RBFOX1: variants seen among roughly 807,000 people sequenced by gnomAD.
RBFOX1 encodes RNA binding protein fox-1 homolog 1.
A neutral mutation model predicts 57.7 loss-of-function variants in RBFOX1; 8 were observed. The observed-to-expected ratio is 0.14, with a 90% CI of 0.08 to 0.25. RBFOX1 has a LOEUF of 0.25. Among genes scored for constraint, RBFOX1 ranks in the 10% least tolerant of loss-of-function variants. RBFOX1 has a pLI of 1.00. For missense variants in RBFOX1, 611 were observed against 548.5 expected (o/e 1.11, Z -1.14); for synonymous variants, 326 against 222.4 (o/e 1.47, Z -4.15).
intron 2 of RBFOX1, among the ~76,000 whole-genome samples, chr16:6,438,408 CTGA>C (rs2094293727): frequency 6.6e-6 from 1 of 152,162 alleles, no homozygotes; most frequent in Non-Finnish European, 1.5e-5. Context: ...CCCAAATAGT[CTGA>C]TCTCCAAACT....
At chr16:6,700,084 C>T (rs776399716) in intron 3 of RBFOX1, among the ~76,000 whole-genome samples, 7 of 152,068 alleles carry the variant, frequency 4.6e-5, no homozygotes, top group Admixed American at 1.3e-4. Context: ...CCCCACTCAC[C>T]GTAGCATCCC....
chr16:7,067,338 T>G (rs2056310939), intron 4 of RBFOX1, among the ~76,000 whole-genome samples: 1 of 152,140 alleles, frequency 6.6e-6, no homozygotes, highest in Non-Finnish European at 1.5e-5. Context: ...AGAACACAAA[T>G]TTACTATTCT....
intron 3 of RBFOX1, among the ~76,000 whole-genome samples, chr16:6,960,528 C>T (rs752711422): frequency 6.6e-6 from 1 of 152,086 alleles, no homozygotes; most frequent in Non-Finnish European, 1.5e-5. Flanking sequence ...CTGGGAACAA[C>T]TCTTCAGGAG....
intron 4 of RBFOX1, among the ~76,000 whole-genome samples, chr16:7,399,530 T>G (rs1375700129): frequency 3.9e-5 from 6 of 152,198 alleles, no homozygotes; most frequent in Admixed American, 2.6e-4. Flanking sequence ...TTTGGATACT[T>G]TGAGGGAAAA....
At chr16:5,362,327 A>T (rs1336478600) in intron 1 of RBFOX1, among the ~76,000 whole-genome samples, 1 of 151,830 alleles carries the variant, frequency 6.6e-6, no homozygotes, top group African/African-American at 2.4e-5. Flanking sequence ...AGTGTCTGGG[A>T]CTACAGGTGC....
chr16:5,616,358 G>C (rs910685736), intron 3 of RBFOX1, among the ~76,000 whole-genome samples: 2 of 152,130 alleles, frequency 1.3e-5, no homozygotes, highest in African/African-American at 4.8e-5. Context: ...CTCATCTCTG[G>C]GCCCAGCTTG....
chr16:6,390,694 A>G (rs1012158749), intron 2 of RBFOX1, among the ~76,000 whole-genome samples: 1 of 152,212 alleles, frequency 6.6e-6, no homozygotes, highest in African/African-American at 2.4e-5. Flanking sequence ...TGACTTTTAC[A>G]AAGAGACTAC....
chr16:6,750,542 TTAAAA>T (rs1361602562), intron 3 of RBFOX1, among the ~76,000 whole-genome samples: 1 of 152,250 alleles, frequency 6.6e-6, no homozygotes, highest in African/African-American at 2.4e-5. Flanking sequence ...TAGAAGAATG[TTAAAA>T]TAAACTGGTG....
At chr16:5,521,796 T>C (rs1386057) in intron 2 of RBFOX1, among the ~76,000 whole-genome samples, 117,075 of 152,144 alleles carry the variant, frequency 0.77, 45,346 homozygotes, top group East Asian at 0.99. Flanking sequence ...GCAATGCTAT[T>C]CTTCTCCAAC....
intron 1 of RBFOX1, among the ~76,000 whole-genome samples, chr16:6,225,399 C>A (rs2097408931): frequency 6.6e-6 from 1 of 152,090 alleles, no homozygotes; most frequent in Non-Finnish European, 1.5e-5. Flanking sequence ...TTATGAAGCC[C>A]CTTTCTCCAA....
At chr16:5,760,393 T>C (rs2053551565) in intron 3 of RBFOX1, among the ~76,000 whole-genome samples, 2 of 151,956 alleles carry the variant, frequency 1.3e-5, no homozygotes, top group Admixed American at 6.6e-5. Context: ...TACATATACA[T>C]ACACACACAC....
At chr16:7,192,892 G>A (rs907292277) in intron 4 of RBFOX1, among the ~76,000 whole-genome samples, 13 of 152,220 alleles carry the variant, frequency 8.5e-5, no homozygotes, top group African/African-American at 2.9e-4. Context: ...TTGTTACTTC[G>A]CCAGTCTCAC....
chr16:6,551,035 T>G (rs557061606), intron 2 of RBFOX1, among the ~76,000 whole-genome samples: 1 of 152,194 alleles, frequency 6.6e-6, no homozygotes, highest in South Asian at 2.1e-4. Context: ...AGGAGATGGA[T>G]TTTGTTTCTC....
At chr16:5,733,768 C>G (rs956370898) in intron 3 of RBFOX1, among the ~76,000 whole-genome samples, 1 of 151,914 alleles carries the variant, frequency 6.6e-6, no homozygotes. Flanking sequence ...CTTTCCCATT[C>G]TCACCTTTTC....
intron 3 of RBFOX1, among the ~76,000 whole-genome samples, chr16:6,887,105 T>G (rs7498295): frequency 0.22 from 33,515 of 152,162 alleles, 4,667 homozygotes; most frequent in Admixed American, 0.36. Flanking sequence ...ATCATGTCCC[T>G]CACCAAACTC....
At chr16:6,090,568 C>G (rs1177959687) in intron 1 of RBFOX1, among the ~76,000 whole-genome samples, 1 of 152,194 alleles carries the variant, frequency 6.6e-6, no homozygotes, top group Non-Finnish European at 1.5e-5. Flanking sequence ...TGGGAAAAAT[C>G]TAACATTCTG....
At chr16:7,301,696 T>G (rs552685807) in intron 4 of RBFOX1, among the ~76,000 whole-genome samples, 1 of 152,226 alleles carries the variant, frequency 6.6e-6, no homozygotes, top group South Asian at 2.1e-4. Flanking sequence ...AAGGAAAAAA[T>G]TCTCTCCTCT....
chr16:7,402,599 T>C (rs1374650022), intron 4 of RBFOX1, among the ~76,000 whole-genome samples: 1 of 152,236 alleles, frequency 6.6e-6, no homozygotes, highest in Non-Finnish European at 1.5e-5. Context: ...TTCCAGATCC[T>C]TATGCATAAT....
At chr16:6,908,724 T>C (rs558816776) in intron 3 of RBFOX1, among the ~76,000 whole-genome samples, 2 of 152,164 alleles carry the variant, frequency 1.3e-5, no homozygotes, top group Non-Finnish European at 2.9e-5. Context: ...GAATGCCTTG[T>C]CCTCAATCCT....
Sources: gnomAD v4.1 joint callset for allele counts (sites outside exome capture counted in the v4.1 genomes callset) on GRCh38, gnomAD v4.1.1 for gene constraint, MANE v1.5 for transcripts, NCBI Gene and HGNC (gene_info 2026-07-23, HGNC 2026-07-21) for gene names.